Variants in ST3GAL1 observed in about 807,000 individuals in gnomAD.
The protein encoded by ST3GAL1 is ST3 beta-galactoside alpha-2,3-sialyltransferase 1.
A neutral mutation model predicts 34.1 loss-of-function variants in ST3GAL1; 16 were observed. The ratio of observed to expected loss-of-function variants is 0.47; its 90% CI spans 0.32 to 0.71. The LOEUF (loss-of-function observed/expected upper bound fraction) is 0.71. Ranked by LOEUF, ST3GAL1 falls within the 30% of genes least tolerant of loss-of-function variation. ST3GAL1 has a pLI of 0.04. For synonymous variants in ST3GAL1, 191 were observed against 184.7 expected, an observed-to-expected ratio of 1.03 and a Z score of -0.28; for missense variants, 353 against 447.4, an observed-to-expected ratio of 0.79 and a Z score of 1.90.
chr8:133,518,838 G>A (rs1249605474), intron 2 of ST3GAL1, among the ~76,000 whole-genome samples: 1 of 152,190 alleles, frequency 6.6e-6, no homozygotes, highest in Non-Finnish European at 1.5e-5. Context: ...AGGATCTGAG[G>A]CTCAGAGAGA....
Position 133,466,103 on chromosome 8 carries a change from G to A in ST3GAL1, c.307-13C>T. The A allele has an allele frequency of 1.2e-6, 2 of 1,600,890 alleles. No homozygotes were observed. The highest frequency in any genetic ancestry group is 4.5e-5 in the East Asian group (2 of 44,488). ...CCCGCTGGAGCCTCTGTGGGCGGAG[G>A]ACAGAAGGTGGTCAACCTGGCTTTG... is the stretch of plus-strand genomic sequence containing the variant. On this transcript the variant is annotated splice_polypyrimidine_tract_variant and intron_variant, in intron 5 of 9. Coordinates refer to ENST00000522652, the MANE Select transcript of ST3GAL1 (RefSeq NM_173344.3). The surrounding 1 kb of genome is among the most constrained non-coding windows in gnomAD (Gnocchi z 4.4).
chr8:133,477,687 A>T (rs1466789930), intron 3 of ST3GAL1, among the ~76,000 whole-genome samples: 2 of 151,944 alleles, frequency 1.3e-5, no homozygotes, highest in African/African-American at 4.8e-5. Context: ...TGCCCATCGG[A>T]GACCCCTCTG....
At chr8:133,480,788 C>T (rs1405182535) in intron 3 of ST3GAL1, among the ~76,000 whole-genome samples, 1 of 152,228 alleles carries the variant, frequency 6.6e-6, no homozygotes, top group Non-Finnish European at 1.5e-5. Context: ...CTTATCTTCC[C>T]TATCTTCCCC....
chr8:133,568,421 A>G (rs2131123163), intron 1 of ST3GAL1, among the ~76,000 whole-genome samples: 1 of 152,264 alleles, frequency 6.6e-6, no homozygotes, highest in Admixed American at 6.5e-5. Context: ...AAGTTTCCAC[A>G]AAGTCTACAC....
At position 133,461,516 on chromosome 8, in the gene ST3GAL1, C is replaced by G. The variant is rs1815502122; in HGVS notation, c.849+359G>C. Among the ~76,000 whole-genome samples, 1 of 152,140 alleles carries G rather than the reference C, an allele frequency of 6.6e-6. No individual in the cohort carries two copies. Among genetic ancestry groups the G allele is most frequent in the Non-Finnish European group, 1.5e-5 (1 of 68,008 alleles). Reference sequence around the variant, plus strand: ...TGGCTTGGGTGCTGGAACTTAGACCCACAGATGATTCTAAGGAGCAAGTGG... The same window carrying G: ...TGGCTTGGGTGCTGGAACTTAGACCGACAGATGATTCTAAGGAGCAAGTGG... On this transcript the variant is annotated intron_variant, in intron 9 of 9. Transcript: ENST00000522652. This position sits in a 1 kb window ranked among gnomAD's most constrained non-coding sequence, Gnocchi z 4.7.
At chr8:133,477,008 A>G (rs1008029166) in intron 3 of ST3GAL1, among the ~76,000 whole-genome samples, 3 of 152,216 alleles carry the variant, frequency 2.0e-5, no homozygotes, top group Non-Finnish European at 4.4e-5. Context: ...CAACAATGGT[A>G]TGCTTAGAGA....
intron 1 of ST3GAL1, among the ~76,000 whole-genome samples, chr8:133,551,470 GAGAGAGAGAAAGAA>G (rs2131085098): frequency 6.6e-6 from 1 of 151,080 alleles, no homozygotes; most frequent in East Asian, 1.9e-4. Flanking sequence ...AAGAAAGAGA[GAGAGAGAGAAAGAA>G]AGAAAGAGAA....
At chr8:133,558,934 G>A (rs949677275) in intron 1 of ST3GAL1, among the ~76,000 whole-genome samples, 11 of 152,074 alleles carry the variant, frequency 7.2e-5, no homozygotes, top group Admixed American at 3.9e-4. Flanking sequence ...TCATGTCCTC[G>A]TGGGTCTTCT....
At chr8:133,555,864 TTTG>T (rs374423978) in intron 1 of ST3GAL1, among the ~76,000 whole-genome samples, 3 of 152,036 alleles carry the variant, frequency 2.0e-5, no homozygotes, top group African/African-American at 7.2e-5. Flanking sequence ...ACCCATTTTT[TTTG>T]TTGTTGTTGT....
Position 133,461,289 on chromosome 8 carries a change from G to A in ST3GAL1, c.849+586C>T, listed in dbSNP as rs1370966951. Among the ~76,000 whole-genome samples, 1 of 152,160 alleles carries A rather than the reference G, an allele frequency of 6.6e-6. No homozygotes were observed. The highest frequency in any genetic ancestry group is 1.5e-5 in the Non-Finnish European group (1 of 68,012). On this transcript the variant is annotated intron_variant, in intron 9 of 9. Coordinates refer to ENST00000522652, the MANE Select transcript of ST3GAL1 (RefSeq NM_173344.3). The surrounding 1 kb of genome is among the most constrained non-coding windows in gnomAD (Gnocchi z 4.7). Reference sequence around the variant, plus strand: ...ATCAGGGAGGAAGTGGGGGCTGTGTGGCCTGCCCTCCTGCCCCTCTTCCTG... The same window carrying A: ...ATCAGGGAGGAAGTGGGGGCTGTGTAGCCTGCCCTCCTGCCCCTCTTCCTG...
intron 1 of ST3GAL1, among the ~76,000 whole-genome samples, chr8:133,562,570 C>A (rs1281356484): frequency 1.3e-5 from 2 of 152,110 alleles, no homozygotes; most frequent in African/African-American, 4.8e-5. Flanking sequence ...TGAGGGCCAA[C>A]TCGGGTCAGG....
chr8:133,473,538 G>A (rs1245278447), intron 5 of ST3GAL1, among the ~76,000 whole-genome samples: 2 of 152,188 alleles, frequency 1.3e-5, no homozygotes, highest in Non-Finnish European at 2.9e-5. Flanking sequence ...AGGAAGTTTG[G>A]ACTTAACGTG....
chr8:133,457,116 C>G lies in ST3GAL1; in HGVS notation c.*2648G>C, dbSNP rs1815328396. On this transcript the variant is annotated 3_prime_UTR_variant, in exon 10 of 10. Transcript: ENST00000522652. ...CCTCTCCCGTGCCTGTCACGCTCCA[C>G]TCCCCACCCAGCTGCAATGTGGCCT... is the stretch of plus-strand genomic sequence containing the variant. 1 of 152,302 alleles carries G rather than the reference C, an allele frequency of 6.6e-6. No homozygotes were observed. The highest frequency in any genetic ancestry group is 6.5e-5 in the Admixed American group (1 of 15,284). The allele number at this position is 152,302 out of a possible 1,614,324, so 9.4% of individuals were successfully genotyped here. A position where few individuals can be genotyped will look rare whatever the true frequency, so the allele number is the denominator to read the frequency against.
chr8:133,523,594 C>A (rs1399381072), intron 2 of ST3GAL1, among the ~76,000 whole-genome samples: 1 of 152,210 alleles, frequency 6.6e-6, no homozygotes, highest in African/African-American at 2.4e-5. Context: ...GGCCACTTGT[C>A]CTGCTCTGTG....
chr8:133,463,572 C>CCCCCCATA, intron 7 of ST3GAL1, 113 bp from the exon 8 acceptor site: 1 of 1,173,648 alleles, frequency 8.5e-7, no homozygotes, highest in Non-Finnish European at 1.2e-6. Flanking sequence ...GCCTCTCCTG[C>CCCCCCATA]CCCCCATAGC....
At chr8:133,481,121 T>C (rs755051708) in intron 3 of ST3GAL1, among the ~76,000 whole-genome samples, 1 of 152,238 alleles carries the variant, frequency 6.6e-6, no homozygotes, top group Non-Finnish European at 1.5e-5. Context: ...TCTTTGGTTA[T>C]TTGGTTCTGT....
At chr8:133,503,020 A>AGGACAGCATGTCCTGGTTAGC (rs1817231811) in intron 2 of ST3GAL1, among the ~76,000 whole-genome samples, 1 of 152,258 alleles carries the variant, frequency 6.6e-6, no homozygotes. Context: ...TTCTGGTTAG[A>AGGACAGCATGTCCTGGTTAGC]GGACAGCATG....
At chr8:133,464,699 CA>C (rs1815659499) in intron 7 of ST3GAL1, 78 bp downstream of exon 7, 1 of 1,507,052 alleles carries the variant, frequency 6.6e-7, no homozygotes, top group Non-Finnish European at 9.0e-7. Context: ...GGAGGCACAG[CA>C]GGACCACGGC....
rs1157350264 is a variant in ST3GAL1, at chr8:133,467,983, T to C, written c.307-1893A>G. On this transcript the variant is annotated intron_variant, in intron 5 of 9. Transcript: ENST00000522652. This position sits in a 1 kb window ranked among gnomAD's most constrained non-coding sequence, Gnocchi z 4.2. ...AAAAGGGCAAAACAACAGGTATCGG[T>C]GAGGATGTGGAGAAAATGGAACTCG... Among the ~76,000 whole-genome samples the C allele has an allele frequency of 6.6e-6, 1 of 152,068 alleles. No individual in the cohort carries two copies. The highest frequency in any genetic ancestry group is 1.5e-5 in the Non-Finnish European group (1 of 68,012).
Sources: allele counts gnomAD v4.1 joint callset (sites outside exome capture counted in the v4.1 genomes callset), GRCh38; gene constraint gnomAD v4.1.1; non-coding constraint Gnocchi (gnomAD v3.1); transcripts MANE v1.5; gene names NCBI Gene and HGNC (gene_info 2026-07-23, HGNC 2026-07-21).